Variants in NUP210 observed in about 807,000 individuals in gnomAD.
NUP210 encodes the protein nucleoporin 210.
In NUP210, 151 loss-of-function variants were observed where a neutral mutation model predicts 196.0. The ratio of observed to expected loss-of-function variants is 0.77; its 90% CI spans 0.67 to 0.88. NUP210 has a LOEUF of 0.88. NUP210 is among the 40% of genes least tolerant of loss of function. The pLI, the probability that NUP210 is intolerant of heterozygous loss-of-function variation, is 0.00. For missense variants in NUP210, 2,314 were observed against 2,493.7 expected (o/e 0.93, Z 1.53); for synonymous variants, 1,070 against 1,052.7 (o/e 1.02, Z -0.32).
chr3:13,378,986 T>C lies in NUP210; in HGVS notation c.977-6A>G, dbSNP rs1188814906. On this transcript the variant is annotated splice_polypyrimidine_tract_variant and splice_region_variant and intron_variant, in intron 7 of 39. Transcript: ENST00000254508. ...AGCACCTTGCATGCGAATACCTGAA[T>C]TTTGAATTAAGGGGCAAGACATATG... The C allele has an allele frequency of 6.2e-7, 1 of 1,613,666 alleles. No individual in the cohort carries two copies. The highest frequency in any genetic ancestry group is 8.5e-7 in the Non-Finnish European group (1 of 1,179,602).
chr3:13,364,834 A>T (rs1343045565), intron 14 of NUP210, among the ~76,000 whole-genome samples: 1 of 152,188 alleles, frequency 6.6e-6, no homozygotes, highest in Middle Eastern at 3.2e-3. Context: ...GTCTCAAAAA[A>T]AATAAACAAA....
In NUP210 at chr3:13,336,801, CT is replaced by C; in HGVS notation, c.3669del (p.Arg1225GlyfsTer17). The C allele has an allele frequency of 6.2e-7, 1 of 1,613,410 alleles. No individual in the cohort carries two copies. The highest frequency in any genetic ancestry group is 2.2e-5 in the East Asian group (1 of 44,834). The part of the protein sequence containing the change: ...SVTKRDVLDL[R>X]GRHHEASIRL... ...TGGTTACCTACCTCGTGGTGCCGCC[CT>C]CGGAGGTCCAGGACGTCCCGCTTGG... On this transcript the variant is annotated frameshift_variant, in exon 27 of 40. Coordinates refer to ENST00000254508, the MANE Select transcript of NUP210 (RefSeq NM_024923.4). LOFTEE classifies it high-confidence loss of function.
At position 13,340,357 on chromosome 3, in the gene NUP210, T is replaced by A. The variant is rs144516030; in HGVS notation, c.3229-59A>T. The A allele has an allele frequency of 2.1e-6, 3 of 1,437,150 alleles. No homozygotes were observed. The African/African-American group carries it at 4.2e-5, about 20-fold the overall frequency. The allele number at this position is 1,437,150 out of a possible 1,614,324, so 89.0% of individuals were successfully genotyped here. ...TGCCCCAAGCCCATGGCGCCAAGCA[T>A]AACTCACACACTACATGTTTCATGA... On this transcript the variant is annotated intron_variant, in intron 23 of 39. Coordinates refer to ENST00000254508, the MANE Select transcript of NUP210 (RefSeq NM_024923.4). This position sits in a 1 kb window ranked among gnomAD's most constrained non-coding sequence, Gnocchi z 4.0.
rs780994279 is a variant in NUP210, at chr3:13,347,152, G to A, written c.2836-3849C>T. 9.1e-6 allele frequency: 9 copies of A among 985,292 alleles called. No homozygotes were observed. The highest frequency in any genetic ancestry group is 1.1e-5 in the Non-Finnish European group (9 of 829,926). 61.0% of individuals were successfully genotyped at this position (985,292 alleles called of 1,614,324 possible). The stretch of plus-strand genomic sequence containing the variant: ...ACCCAGGAGATGGAGAGAAGCAGCC[G>A]CAGCTCATAGGACCCAGGAGATGGA... On this transcript the variant is annotated intron_variant, in intron 20 of 39. Transcript: ENST00000254508. This position sits in a 1 kb window ranked among gnomAD's most constrained non-coding sequence, Gnocchi z 4.7.
In NUP210 at chr3:13,373,838, C is replaced by T. The variant is rs149524649; in HGVS notation, c.1467G>A (p.Ser489=). ...HGGSGNFSWS[S]SSHLVATVTV... Reference sequence around the variant, plus strand: ...TAACTGTGGCAACCAGGTGGCTTGACGAAGACCAGCTGAAGTTCCCACTGC... The same window carrying T: ...TAACTGTGGCAACCAGGTGGCTTGATGAAGACCAGCTGAAGTTCCCACTGC... The change falls in exon 12 of 40, where the codon TCG becomes TCA. Residue 489 remains serine, a synonymous_variant. Coordinates refer to ENST00000254508, the MANE Select transcript of NUP210 (RefSeq NM_024923.4). 2.7e-5 allele frequency: 43 copies of T among 1,613,698 alleles called. No homozygotes were observed. Among genetic ancestry groups the T allele is most frequent in the Admixed American group, 1.7e-5 (1 of 59,968 alleles).
intron 4 of NUP210, among the ~76,000 whole-genome samples, chr3:13,390,360 T>C (rs561088165): frequency 3.7e-4 from 56 of 152,232 alleles, no homozygotes; most frequent in African/African-American, 1.3e-3. Flanking sequence ...AAAGGGACCA[T>C]GCTTTTTAAA....
chr3:13,366,544 G>A (rs1698543784), intron 13 of NUP210, among the ~76,000 whole-genome samples: 1 of 137,314 alleles, frequency 7.3e-6, no homozygotes, highest in African/African-American at 2.7e-5. Context: ...TTGAGATAGA[G>A]TCTCACTCTG....
chr3:13,368,055 C>T (rs58145598), intron 13 of NUP210, among the ~76,000 whole-genome samples: 5,181 of 150,526 alleles, frequency 0.034, 124 homozygotes, highest in Middle Eastern at 0.075. Flanking sequence ...GCCCTACATC[C>T]CTGCCATTAT....
chr3:13,325,856 C>T lies in NUP210; in HGVS notation c.4583G>A (p.Arg1528Gln), dbSNP rs141991525. The change falls in exon 33 of 40, where the codon CGG becomes CAG. Residue 1528 changes from arginine (R) to glutamine (Q), a missense_variant. Arg to Gln is a conservative substitution (Grantham distance 43, BLOSUM62 1). Coordinates refer to ENST00000254508, the MANE Select transcript of NUP210 (RefSeq NM_024923.4). ...IDPKTGVAVARAVGSVTVYYE... is the reference protein window; with the variant it reads ...IDPKTGVAVAQAVGSVTVYYE... ...GTAAACCGTCACGGATCCCACGGCCCGGGCCACAGCCACACCCGTCTTGGG... is the reference window on the plus strand; with the variant it reads ...GTAAACCGTCACGGATCCCACGGCCTGGGCCACAGCCACACCCGTCTTGGG... 1.9e-5 allele frequency: 31 copies of T among 1,613,858 alleles called. No individual in the cohort carries two copies. The highest frequency in any genetic ancestry group is 8.0e-5 in the African/African-American group (6 of 74,946).
Position 13,316,283 on chromosome 3 carries a change from T to C in NUP210, c.*1398A>G, listed in dbSNP as rs948919825. ...TTAAATAAACCAGTAGAAAGGCTCC[T>C]ATTTACATCCAGGTTGTCAGTTTAA... is the stretch of plus-strand genomic sequence containing the variant. On this transcript the variant is annotated 3_prime_UTR_variant, in exon 40 of 40. Transcript: ENST00000254508. 1 of 152,254 alleles carries C rather than the reference T, an allele frequency of 6.6e-6. No homozygotes were observed. The highest frequency in any genetic ancestry group is 1.9e-4 in the East Asian group (1 of 5,202). 9.4% of individuals were successfully genotyped at this position (152,254 alleles called of 1,614,324 possible).
intron 32 of NUP210, among the ~76,000 whole-genome samples, chr3:13,326,287 C>T (rs992897642): frequency 3.9e-5 from 6 of 152,200 alleles, no homozygotes; most frequent in Admixed American, 1.3e-4. Flanking sequence ...CTGCCAGGCC[C>T]TGCCCTCTGT....
At chr3:13,415,005 A>AG (rs1217113210) in intron 1 of NUP210, among the ~76,000 whole-genome samples, 1 of 152,190 alleles carries the variant, frequency 6.6e-6, no homozygotes, top group Non-Finnish European at 1.5e-5. Flanking sequence ...TGGGAGGCTG[A>AG]GGCGGGTAGA....
rs1373028590 is a variant in NUP210, at chr3:13,353,936, T to C, written c.2500A>G (p.Ser834Gly). Reference protein sequence around the residue: ...PMQLVSQDDESGQKKLHGLQA... With the variant: ...PMQLVSQDDEGGQKKLHGLQA... Reference sequence around the variant, plus strand: ...TCACCGTGCAGCTTCTTTTGGCCACTCTCATCGTCCTGGGACACCAGCTGC... The same window carrying C: ...TCACCGTGCAGCTTCTTTTGGCCACCCTCATCGTCCTGGGACACCAGCTGC... Residue 834 changes from serine (S) to glycine (G), a missense_variant, in exon 17 of 40, where the codon AGT becomes GGT. Transcript: ENST00000254508. 3.1e-6 allele frequency: 5 copies of C among 1,609,430 alleles called. No individual in the cohort carries two copies. The African/African-American group carries it at 5.3e-5, about 17-fold the overall frequency.
chr3:13,364,112 C>A (rs1443909477), intron 14 of NUP210, among the ~76,000 whole-genome samples: 1 of 152,160 alleles, frequency 6.6e-6, no homozygotes, highest in Non-Finnish European at 1.5e-5. Flanking sequence ...ACCCCCATCA[C>A]CCCTTCATGC....
At chr3:13,393,922 C>T (rs1005032774) in intron 3 of NUP210, among the ~76,000 whole-genome samples, 1 of 152,192 alleles carries the variant, frequency 6.6e-6, no homozygotes. Flanking sequence ...GCAATTCAAC[C>T]TAGCAAACAT....
chr3:13,318,214 C>T (rs986112763), intron 39 of NUP210, among the ~76,000 whole-genome samples: 2 of 152,254 alleles, frequency 1.3e-5, no homozygotes, highest in Middle Eastern at 3.4e-3. Context: ...GGGAGGAGCA[C>T]GCTGAGAGAG....
Position 13,325,134 on chromosome 3 carries a change from C to G in NUP210, c.4644+661G>C, listed in dbSNP as rs576256074. The stretch of plus-strand genomic sequence containing the variant: ...CTTCTCCCACACCCTCTGTTCCAGC[C>G]CCCGAGGCTCTGCCCTTGAACCCTA... On this transcript the variant is annotated intron_variant, in intron 33 of 39. Coordinates refer to ENST00000254508, the MANE Select transcript of NUP210 (RefSeq NM_024923.4). Among the ~76,000 whole-genome samples the G allele has an allele frequency of 3.7e-4, 56 of 152,294 alleles. No individual in the cohort carries two copies. In the South Asian group the frequency reaches 6.0e-3, roughly 16 times the overall value.
intron 13 of NUP210, 66 bp downstream of exon 13, chr3:13,371,768 G>A (rs1698738726): frequency 1.4e-6 from 2 of 1,452,816 alleles, no homozygotes; most frequent in Non-Finnish European, 1.9e-6. Context: ...GGCGGTCCAT[G>A]CTGAGAACCC....
chr3:13,324,777 T>A (rs1696678026), intron 33 of NUP210, among the ~76,000 whole-genome samples: 1 of 152,102 alleles, frequency 6.6e-6, no homozygotes, highest in Non-Finnish European at 1.5e-5. Flanking sequence ...TTTAAAAAAC[T>A]CCACTGAGTG....
Sources: allele counts gnomAD v4.1 joint callset (sites outside exome capture counted in the v4.1 genomes callset), GRCh38; gene constraint gnomAD v4.1.1; non-coding constraint Gnocchi (gnomAD v3.1); transcripts MANE v1.5; gene names NCBI Gene and HGNC (gene_info 2026-07-23, HGNC 2026-07-21).